Variants in PPFIA2 observed in about 807,000 individuals in gnomAD.
PPFIA2 encodes the protein PPFI scaffold protein A2, also known as liprin-alpha-2.
A neutral mutation model predicts 175.5 loss-of-function variants in PPFIA2; 46 were observed. That is an observed-to-expected ratio of 0.26 (90% CI 0.21 to 0.34). The LOEUF (loss-of-function observed/expected upper bound fraction) is 0.34. Ranked by LOEUF, PPFIA2 falls within the 10% of genes least tolerant of loss-of-function variation. The pLI is 1.00. For synonymous variants in PPFIA2, 568 were observed against 511.4 expected, an observed-to-expected ratio of 1.11 and a Z score of -1.49; for missense variants, 1,179 against 1,506.1, an observed-to-expected ratio of 0.78 and a Z score of 3.60.
rs184377378 is a variant in PPFIA2 at position 81,340,811 on chromosome 12, T to C, written c.2393+267A>G. Among the ~76,000 whole-genome samples the C allele has an allele frequency of 6.0e-4, 91 of 152,200 alleles. No individual in the cohort carries two copies. The East Asian group carries it at 9.7e-3, about 16-fold the overall frequency. ...TTCCTCTAGCCTGATCTCATTGTAATAGAAAATATCCACTAAAAAATAGAA... is the reference window on the plus strand; with the variant it reads ...TTCCTCTAGCCTGATCTCATTGTAACAGAAAATATCCACTAAAAAATAGAA... On this transcript the variant is annotated intron_variant, in intron 20 of 32. Transcript: ENST00000549396.
At chr12:81,415,204 AAAAAAAATATATATATATAT>A (rs2044858867) in intron 7 of PPFIA2, among the ~76,000 whole-genome samples, 1 of 46,800 alleles carries the variant, frequency 2.1e-5, no homozygotes, top group Non-Finnish European at 4.2e-5. Context: ...AAAAAAAAAA[AAAAAAAATATATATATATAT>A]ATATATATAT....
intron 4 of PPFIA2, among the ~76,000 whole-genome samples, chr12:81,673,145 T>C (rs150678603): frequency 1.4e-4 from 22 of 152,052 alleles, no homozygotes; most frequent in Middle Eastern, 3.4e-3. Flanking sequence ...GGGGTTGTCT[T>C]AAAAATTACA....
At chr12:81,279,642 C>A (rs1180848322) in intron 27 of PPFIA2, among the ~76,000 whole-genome samples, 1 of 151,984 alleles carries the variant, frequency 6.6e-6, no homozygotes, top group African/African-American at 2.4e-5. Context: ...GGGCATTTCC[C>A]AGAACAAACA....
chr12:81,667,214 C>T (rs1050918018), intron 4 of PPFIA2, among the ~76,000 whole-genome samples: 1 of 152,102 alleles, frequency 6.6e-6, no homozygotes, highest in Non-Finnish European at 1.5e-5. Flanking sequence ...AGACTTTTCA[C>T]TGTGCCTTTG....
chr12:81,752,816 A>G (rs1399380353), intron 3 of PPFIA2, among the ~76,000 whole-genome samples: 1 of 152,192 alleles, frequency 6.6e-6, no homozygotes. Flanking sequence ...ACTGTCTTTT[A>G]AGGAGCGGGC....
intron 21 of PPFIA2, among the ~76,000 whole-genome samples, chr12:81,329,752 G>T (rs138772609): frequency 1.3e-5 from 2 of 152,194 alleles, no homozygotes; most frequent in African/African-American, 2.4e-5. Flanking sequence ...AGGGACCCAG[G>T]CTCCTGCTGT....
chr12:81,634,704 G>A (rs894960477), intron 4 of PPFIA2, among the ~76,000 whole-genome samples: 1 of 152,136 alleles, frequency 6.6e-6, no homozygotes, highest in Non-Finnish European at 1.5e-5. Context: ...AACCACATGA[G>A]GCACTGTGAT....
chr12:81,524,685 T>C (rs1261354637), intron 4 of PPFIA2, among the ~76,000 whole-genome samples: 1 of 152,204 alleles, frequency 6.6e-6, no homozygotes, highest in Admixed American at 6.5e-5. Context: ...AAGTTGATAT[T>C]AGAACAAGTT....
intron 17 of PPFIA2, among the ~76,000 whole-genome samples, chr12:81,349,512 A>C (rs947416208): frequency 4.6e-5 from 7 of 152,188 alleles, no homozygotes; most frequent in Non-Finnish European, 1.0e-4. Flanking sequence ...AACATAGTAC[A>C]TAGTAACATA....
At chr12:81,758,074 A>T (rs1035331230) in intron 2 of PPFIA2, among the ~76,000 whole-genome samples, 1 of 151,998 alleles carries the variant, frequency 6.6e-6, no homozygotes, top group African/African-American at 2.4e-5. Flanking sequence ...CACTTTCTTT[A>T]CCCTAGTGCA....
chr12:81,517,285 G>A (rs914365479), intron 4 of PPFIA2, among the ~76,000 whole-genome samples: 1 of 151,970 alleles, frequency 6.6e-6, no homozygotes, highest in Non-Finnish European at 1.5e-5. Context: ...AAAGCTACCC[G>A]GCAGAACAAG....
chr12:81,485,681 T>C (rs1334368802), intron 4 of PPFIA2, among the ~76,000 whole-genome samples: 1 of 151,922 alleles, frequency 6.6e-6, no homozygotes, highest in Non-Finnish European at 1.5e-5. Context: ...GTGCAAGAAA[T>C]GTATAACACA....
intron 4 of PPFIA2, among the ~76,000 whole-genome samples, chr12:81,591,695 C>T (rs1386101369): frequency 1.3e-5 from 2 of 152,158 alleles, no homozygotes; most frequent in African/African-American, 4.8e-5. Context: ...TGGCAGCTTC[C>T]ACATGCTGTT....
At chr12:81,382,832 C>T (rs2038038006) in intron 9 of PPFIA2, among the ~76,000 whole-genome samples, 1 of 151,926 alleles carries the variant, frequency 6.6e-6, no homozygotes, top group South Asian at 2.1e-4. Flanking sequence ...ATTGGGAATC[C>T]TAAGATGATG....
chr12:81,644,879 T>C (rs1417204475), intron 4 of PPFIA2, among the ~76,000 whole-genome samples: 2 of 152,082 alleles, frequency 1.3e-5, no homozygotes, highest in East Asian at 3.8e-4. Flanking sequence ...ATTTTTTAAA[T>C]GCTAAAAGTA....
chr12:81,536,862 G>A (rs1454860056), intron 4 of PPFIA2, among the ~76,000 whole-genome samples: 1 of 146,396 alleles, frequency 6.8e-6, no homozygotes, highest in East Asian at 2.0e-4. Flanking sequence ...TTTTTTTTTA[G>A]GTTAACATGA....
rs533959054 is a variant in PPFIA2 at position 81,428,686 on chromosome 12, A to G, written c.645+11286T>C. Among the ~76,000 whole-genome samples, 5 of 152,106 alleles carry G rather than the reference A, an allele frequency of 3.3e-5. No individual in the cohort carries two copies. The South Asian group carries it at 1.0e-3, about 31-fold the overall frequency. On this transcript the variant is annotated intron_variant, in intron 7 of 32. Coordinates refer to ENST00000549396, the MANE Select transcript of PPFIA2 (RefSeq NM_003625.5). ...TTAACAATACTGAAACTTTTAGTTT[A>G]CCAATCTAAAATTAAAAAAAAATCC... is the stretch of plus-strand genomic sequence containing the variant.
intron 4 of PPFIA2, among the ~76,000 whole-genome samples, chr12:81,484,244 T>C (rs952008961): frequency 6.6e-6 from 1 of 151,796 alleles, no homozygotes; most frequent in South Asian, 2.1e-4. Context: ...AAAAAAATAG[T>C]CCACACTATT....
chr12:81,703,235 G>C, intron 3 of PPFIA2, among the ~76,000 whole-genome samples: 1 of 152,108 alleles, frequency 6.6e-6, no homozygotes, highest in East Asian at 1.9e-4. Flanking sequence ...ATAGCAATCT[G>C]TTTATCAGAC....
Sources: allele counts gnomAD v4.1 joint callset (sites outside exome capture counted in the v4.1 genomes callset), GRCh38; gene constraint gnomAD v4.1.1; transcripts MANE v1.5; gene names NCBI Gene and HGNC (gene_info 2026-07-23, HGNC 2026-07-21).